CCDC91: variants seen among roughly 807,000 people sequenced by gnomAD.
CCDC91 encodes the protein coiled-coil domain-containing protein 91.
In CCDC91, 48 loss-of-function variants were observed where a neutral mutation model predicts 63.2. The observed-to-expected ratio is 0.76, with a 90% CI of 0.60 to 0.97. CCDC91 has a LOEUF of 0.97. Among genes scored for constraint, CCDC91 ranks in the 50% least tolerant of loss-of-function variants. CCDC91 has a pLI of 0.00. For synonymous variants in CCDC91, 167 were observed against 165.8 expected (o/e 1.01, Z -0.06); for missense variants, 500 against 494.6 (o/e 1.01, Z -0.10).
intron 11 of CCDC91, among the ~76,000 whole-genome samples, chr12:28,455,800 T>C (rs1161460321): frequency 1.3e-5 from 2 of 152,080 alleles, no homozygotes; most frequent in African/African-American, 4.8e-5. Context: ...TGCTGAGCAC[T>C]TTTCTAATTT....
chr12:28,513,173 C>G lies in CCDC91; in HGVS notation c.1215+29008C>G, dbSNP rs1380463637. Among the ~76,000 whole-genome samples, 20 of 151,764 alleles carry G rather than the reference C, an allele frequency of 1.3e-4. 1 individual carries two copies. Among genetic ancestry groups the G allele is most frequent in the Admixed American group, 1.3e-3 (20 of 15,188 alleles). On this transcript the variant is annotated intron_variant, in intron 12 of 12. Transcript: ENST00000536442. Reference sequence around the variant, plus strand: ...ATGCAAACTATAAAAGAAGGGAAATCCGATGCAGCTACATCATAATAATAG... The same window carrying G: ...ATGCAAACTATAAAAGAAGGGAAATGCGATGCAGCTACATCATAATAATAG...
chr12:28,217,064 C>G (rs1351725385), intron 1 of CCDC91, among the ~76,000 whole-genome samples: 1 of 152,070 alleles, frequency 6.6e-6, no homozygotes, highest in African/African-American at 2.4e-5. Flanking sequence ...CTACTGCTTC[C>G]CTGTTACCCA....
Position 28,549,146 on chromosome 12 carries a change from A to G in CCDC91, c.1299A>G (p.Ile433Met). 2.5e-6 allele frequency: 4 copies of G among 1,610,412 alleles called. No individual in the cohort carries two copies. The South Asian group carries it at 4.4e-5, about 18-fold the overall frequency. ...SCAQKQLSAL[I>M]ATEPVDIE Reference sequence around the variant, plus strand: ...CACAGAAACAGTTAAGTGCTTTAATAGCTACGGAACCAGTTGACATTGAAT... The same window carrying G: ...CACAGAAACAGTTAAGTGCTTTAATGGCTACGGAACCAGTTGACATTGAAT... Residue 433 changes from isoleucine to methionine, a missense_variant, in exon 13 of 13, where the codon ATA (isoleucine) becomes ATG (methionine). Coordinates refer to ENST00000536442, the MANE Select transcript of CCDC91 (RefSeq NM_018318.5).
At chr12:28,505,851 T>C (rs975086647) in intron 12 of CCDC91, among the ~76,000 whole-genome samples, 1 of 152,002 alleles carries the variant, frequency 6.6e-6, no homozygotes, top group African/African-American at 2.4e-5. Context: ...TTTCTTGAAG[T>C]CCTACCAAGA....
chr12:28,509,200 C>G (rs544661325), intron 12 of CCDC91, among the ~76,000 whole-genome samples: 76 of 152,024 alleles, frequency 5.0e-4, no homozygotes, highest in Non-Finnish European at 8.0e-4. Flanking sequence ...ATAATCTCTC[C>G]ATTATGCAAA....
intron 11 of CCDC91, among the ~76,000 whole-genome samples, chr12:28,478,571 A>G (rs1174561664): frequency 2.0e-5 from 3 of 152,194 alleles, no homozygotes; most frequent in Non-Finnish European, 4.4e-5. Flanking sequence ...TCATATTTAA[A>G]ACACCGAAAG....
chr12:28,292,789 C>T (rs77842813), intron 3 of CCDC91, among the ~76,000 whole-genome samples: 7,404 of 152,190 alleles, frequency 0.049, 670 homozygotes, highest in East Asian at 0.44. Flanking sequence ...ATAGAGTACT[C>T]TATTTGGGTA....
At chr12:28,334,859 A>G (rs1203423861) in intron 6 of CCDC91, among the ~76,000 whole-genome samples, 1 of 151,904 alleles carries the variant, frequency 6.6e-6, no homozygotes, top group Non-Finnish European at 1.5e-5. Context: ...CAAAATTAGC[A>G]TATGCCCTAG....
At chr12:28,281,116 C>G (rs1948586227) in intron 3 of CCDC91, among the ~76,000 whole-genome samples, 1 of 152,024 alleles carries the variant, frequency 6.6e-6, no homozygotes, top group Non-Finnish European at 1.5e-5. Context: ...TGATATTTGG[C>G]AGTAGTCTAT....
At chr12:28,383,603 G>C (rs1327010564) in intron 7 of CCDC91, among the ~76,000 whole-genome samples, 1 of 152,002 alleles carries the variant, frequency 6.6e-6, no homozygotes, top group Non-Finnish European at 1.5e-5. Context: ...CTGCCTGGCT[G>C]GGCTGCGGGA....
intron 3 of CCDC91, among the ~76,000 whole-genome samples, chr12:28,283,067 T>A (rs1948700878): frequency 6.6e-6 from 1 of 152,190 alleles, no homozygotes; most frequent in African/African-American, 2.4e-5. Context: ...TATTGGCCTA[T>A]GTGTCTACTT....
intron 1 of CCDC91, among the ~76,000 whole-genome samples, chr12:28,200,196 T>C (rs1353674038): frequency 6.6e-6 from 1 of 151,946 alleles, no homozygotes; most frequent in Non-Finnish European, 1.5e-5. Context: ...AGTTCACTGA[T>C]TTTTGTGCCA....
At chr12:28,192,085 A>T (rs1227906858) in intron 1 of CCDC91, among the ~76,000 whole-genome samples, 1 of 152,228 alleles carries the variant, frequency 6.6e-6, no homozygotes, top group Non-Finnish European at 1.5e-5. Flanking sequence ...AAAACTTCTG[A>T]GACATTTTTG....
intron 1 of CCDC91, among the ~76,000 whole-genome samples, chr12:28,209,683 A>G (rs11519095): frequency 0.26 from 39,669 of 152,066 alleles, 5,435 homozygotes; most frequent in Non-Finnish European, 0.31. Context: ...CACCTGCCTC[A>G]GCCTCCCAAA....
Position 28,331,378 on chromosome 12 carries a change from C to T in CCDC91, c.576+23629C>T, listed in dbSNP as rs12422808. Among the ~76,000 whole-genome samples, 1,151 of 152,276 alleles carry T rather than the reference C, an allele frequency of 7.6e-3. 44 individuals carry two copies. The highest frequency in any genetic ancestry group is 0.06 in the Admixed American group (920 of 15,284). On this transcript the variant is annotated intron_variant, in intron 6 of 12. Transcript: ENST00000536442. ...AGAGGTTCATGTGAGGAAAAAACGTCAGGCTGGGCTAAAATTACAGGACAA... is the reference window on the plus strand; with the variant it reads ...AGAGGTTCATGTGAGGAAAAAACGTTAGGCTGGGCTAAAATTACAGGACAA...
intron 8 of CCDC91, among the ~76,000 whole-genome samples, chr12:28,396,214 A>G (rs1946277391): frequency 6.6e-6 from 1 of 152,162 alleles, no homozygotes; most frequent in Admixed American, 6.5e-5. Context: ...AGGCAGATGG[A>G]ATTGCATATT....
intron 1 of CCDC91, among the ~76,000 whole-genome samples, chr12:28,193,902 G>A (rs1410704494): frequency 6.6e-6 from 1 of 152,130 alleles, no homozygotes; most frequent in Non-Finnish European, 1.5e-5. Flanking sequence ...AGGGTTGTTT[G>A]TTATTGGTTT....
intron 3 of CCDC91, among the ~76,000 whole-genome samples, chr12:28,260,289 A>G (rs1946738859): frequency 6.6e-6 from 1 of 151,992 alleles, no homozygotes; most frequent in African/African-American, 2.4e-5. Context: ...GCAGCTGGAA[A>G]TATATGTATA....
intron 8 of CCDC91, among the ~76,000 whole-genome samples, chr12:28,428,907 G>A (rs188668582): frequency 3.9e-5 from 6 of 152,226 alleles, no homozygotes; most frequent in Admixed American, 3.3e-4. Context: ...TGAGGAGTGG[G>A]CAGGGAGTCT....
Sources: allele counts gnomAD v4.1 joint callset (sites outside exome capture counted in the v4.1 genomes callset), GRCh38; gene constraint gnomAD v4.1.1; transcripts MANE v1.5; gene names NCBI Gene and HGNC (gene_info 2026-07-23, HGNC 2026-07-21).